The following VAV3 variants were observed in gnomAD, a reference collection of about 807,000 sequenced individuals.
The protein encoded by VAV3 is vav guanine nucleotide exchange factor 3, also known as guanine nucleotide exchange factor VAV3.
A neutral mutation model predicts 131.2 loss-of-function variants in VAV3; 94 were observed. That is an observed-to-expected ratio of 0.72 (90% CI 0.61 to 0.85). The LOEUF (loss-of-function observed/expected upper bound fraction) is 0.85. Among genes scored for constraint, VAV3 ranks in the 40% least tolerant of loss-of-function variants. VAV3 has a pLI of 0.00. For synonymous variants in VAV3, 349 were observed against 342.0 expected, an observed-to-expected ratio of 1.02 and a Z score of -0.22; for missense variants, 939 against 1,002.7, an observed-to-expected ratio of 0.94 and a Z score of 0.86.
chr1:107,635,463 C>T (rs1297178203), intron 20 of VAV3, among the ~76,000 whole-genome samples: 1 of 111,862 alleles, frequency 8.9e-6, no homozygotes, highest in Non-Finnish European at 1.7e-5. Context: ...CACACTGGGG[C>T]CTGTTGTGGG....
At chr1:107,802,353 C>T (rs1406703674) in intron 2 of VAV3, among the ~76,000 whole-genome samples, 2 of 151,934 alleles carry the variant, frequency 1.3e-5, no homozygotes, top group Non-Finnish European at 2.9e-5. Context: ...ATTTCTTTCT[C>T]TGACCTCACT....
chr1:107,753,549 T>TATATGTATATATATATATACAC (rs771773884), intron 12 of VAV3, among the ~76,000 whole-genome samples: 7 of 82,062 alleles, frequency 8.5e-5, no homozygotes, highest in Non-Finnish European at 1.5e-4. Context: ...TATATATATA[T>TATATGTATATATATATATACAC]ACACACACAC....
intron 19 of VAV3, among the ~76,000 whole-genome samples, chr1:107,651,538 A>AAGGAAGGGAGGG (rs1256640887): frequency 1.9e-4 from 25 of 133,622 alleles, no homozygotes; most frequent in African/African-American, 6.9e-4. Flanking sequence ...GAAACAAAGT[A>AAGGAAGGGAGGG]AGGAAGGGAG....
intron 18 of VAV3, among the ~76,000 whole-genome samples, chr1:107,687,650 T>A (rs1659128691): frequency 1.3e-5 from 2 of 152,200 alleles, no homozygotes; most frequent in South Asian, 4.1e-4. Context: ...CTTTTCTGTC[T>A]GAAATTTTAT....
Position 107,617,643 on chromosome 1 carries a change from A to G in VAV3, c.1915-11T>C, listed in dbSNP as rs1372678938. ...TGCTAAATTTCTGCCCTAAGGAAAAAAAAAAAATGCCAGTGTTGAGAACAA... is the reference window on the plus strand; with the variant it reads ...TGCTAAATTTCTGCCCTAAGGAAAAGAAAAAAATGCCAGTGTTGAGAACAA... On this transcript the variant is annotated splice_polypyrimidine_tract_variant and intron_variant, in intron 20 of 26. Coordinates refer to ENST00000370056, the MANE Select transcript of VAV3 (RefSeq NM_006113.5). 1 of 1,612,068 alleles carries G rather than the reference A, an allele frequency of 6.2e-7. No individual in the cohort carries two copies. The highest frequency in any genetic ancestry group is 2.2e-5 in the East Asian group (1 of 44,838).
chr1:107,672,008 CT>C (rs1657837382), intron 19 of VAV3: 1 of 152,106 alleles, frequency 6.6e-6, no homozygotes, highest in Non-Finnish European at 1.5e-5. Context: ...TGGCTCACAC[CT>C]GTAATCCCAG....
Position 107,688,383 on chromosome 1 carries a change from C to T in VAV3, c.1729G>A (p.Glu577Lys). 1.9e-6 allele frequency: 3 copies of T among 1,613,012 alleles called. No individual in the cohort carries two copies. Among genetic ancestry groups the T allele is most frequent in the Non-Finnish European group, 2.5e-6 (3 of 1,179,556 alleles). ...AATATTTAAAATGTTAATCTTACCT[C>T]TGGTAGTTTGAGTGTCCCTTGTTCT... ...SGEQGTLKLP[E>K]KRTNGLRRTP... The change falls in exon 18 of 27, where the codon GAG (glutamate) becomes AAG (lysine). Residue 577 changes from glutamate to lysine, a missense_variant and splice_region_variant. Physicochemically the swap from Glu to Lys is moderately conservative, Grantham distance 56. Coordinates refer to ENST00000370056, the MANE Select transcript of VAV3 (RefSeq NM_006113.5).
intron 2 of VAV3, chr1:107,820,822 C>T (rs1223828231): frequency 6.6e-6 from 1 of 152,050 alleles, no homozygotes; most frequent in Non-Finnish European, 1.5e-5. Flanking sequence ...AAAAGTCTTT[C>T]CAATCCATAT....
chr1:107,611,472 T>C (rs1652720322), intron 21 of VAV3, among the ~76,000 whole-genome samples: 1 of 152,096 alleles, frequency 6.6e-6, no homozygotes, highest in Admixed American at 6.6e-5. Flanking sequence ...GTTCACCCTT[T>C]GATGACAAGA....
At chr1:107,915,876 C>A (rs7545943) in intron 1 of VAV3, among the ~76,000 whole-genome samples, 5,096 of 152,198 alleles carry the variant, frequency 0.033, 212 homozygotes, top group African/African-American at 0.093. Context: ...AGAGCTCCTG[C>A]CCTCATGAAG....
At chr1:107,859,208 C>T (rs1669623594) in intron 2 of VAV3, among the ~76,000 whole-genome samples, 2 of 151,816 alleles carry the variant, frequency 1.3e-5, no homozygotes, top group Non-Finnish European at 2.9e-5. Flanking sequence ...ATAGCTGGGA[C>T]TACTGGTGCA....
At chr1:107,678,289 T>A (rs1658356124) in intron 19 of VAV3, among the ~76,000 whole-genome samples, 2 of 152,194 alleles carry the variant, frequency 1.3e-5, no homozygotes, top group Non-Finnish European at 2.9e-5. Flanking sequence ...ATGCTCCCAA[T>A]ATTTAGATTA....
intron 1 of VAV3, among the ~76,000 whole-genome samples, chr1:107,917,783 C>T (rs1672692862): frequency 6.6e-6 from 1 of 151,868 alleles, no homozygotes; most frequent in Admixed American, 6.6e-5. Context: ...TTTTGGAATA[C>T]TTTCAAATTA....
At chr1:107,742,481 T>C (rs1326130773) in intron 15 of VAV3, among the ~76,000 whole-genome samples, 2 of 152,164 alleles carry the variant, frequency 1.3e-5, no homozygotes, top group African/African-American at 4.8e-5. Context: ...AAAGATAATT[T>C]CATTCTTTAC....
At chr1:107,772,635 G>A (rs986241347) in intron 5 of VAV3, 100 bp downstream of exon 5, 10 of 1,016,880 alleles carry the variant, frequency 9.8e-6, no homozygotes, top group Middle Eastern at 2.2e-4. Flanking sequence ...GCAAGCAAAG[G>A]TTAAAAAAAA....
chr1:107,614,282 G>A (rs1190099835), intron 21 of VAV3, among the ~76,000 whole-genome samples: 1 of 151,984 alleles, frequency 6.6e-6, no homozygotes, highest in Non-Finnish European at 1.5e-5. Flanking sequence ...GCCTATATCA[G>A]AATTTTTGAG....
chr1:107,683,391 G>A lies in VAV3; in HGVS notation c.1777+97C>T, dbSNP rs935298891. On this transcript the variant is annotated intron_variant, in intron 19 of 26. Transcript: ENST00000370056. ...TATACACCAAATTATGAGGAACAAA[G>A]GCCAACAATATGCCTCACTTTCCAC... is the stretch of plus-strand genomic sequence containing the variant. The A allele has an allele frequency of 7.8e-6, 11 of 1,410,788 alleles. No homozygotes were observed. In the Admixed American group the frequency reaches 1.5e-4, roughly 20 times the overall value. 87.4% of individuals were successfully genotyped at this position (1,410,788 alleles called of 1,614,324 possible).
At chr1:107,622,276 G>A (rs1315341142) in intron 20 of VAV3, among the ~76,000 whole-genome samples, 3 of 152,190 alleles carry the variant, frequency 2.0e-5, no homozygotes. Flanking sequence ...GAATCATAAT[G>A]AATTAAAACT....
Position 107,617,620 on chromosome 1 carries a change from C to T in VAV3, c.1927G>A (p.Ala643Thr). Residue 643 changes from alanine (A) to threonine (T), a missense_variant, in exon 21 of 27, where the codon GCA becomes ACA. Ala to Thr is a moderately conservative substitution (Grantham distance 58). Transcript: ENST00000370056. ...HSLFWQGRNLASGEVGFFPSD... is the reference protein window; with the variant it reads ...HSLFWQGRNLTSGEVGFFPSD... ...GGAAAAAATCCAACCTCTCCAGATG[C>T]TAAATTTCTGCCCTAAGGAAAAAAA... is the stretch of plus-strand genomic sequence containing the variant. 6.2e-7 allele frequency: 1 copy of T among 1,603,198 alleles called. No homozygotes were observed. The highest frequency in any genetic ancestry group is 8.5e-7 in the Non-Finnish European group (1 of 1,175,666).
Sources: allele counts gnomAD v4.1 joint callset (sites outside exome capture counted in the v4.1 genomes callset), GRCh38; gene constraint gnomAD v4.1.1; transcripts MANE v1.5; gene names NCBI Gene and HGNC (gene_info 2026-07-23, HGNC 2026-07-21).